Variants in NRXN3 observed in about 807,000 individuals in gnomAD.
NRXN3 encodes the protein neurexin III.
In NRXN3, 32 loss-of-function variants were observed where a neutral mutation model predicts 137.6. That is an observed-to-expected ratio of 0.23 (90% CI 0.18 to 0.31). The LOEUF (loss-of-function observed/expected upper bound fraction) is 0.31. Among genes scored for constraint, NRXN3 ranks in the 10% least tolerant of loss-of-function variants. NRXN3 has a pLI of 1.00. For missense variants in NRXN3, 1,574 were observed against 2,062.5 expected (o/e 0.76, Z 4.59); for synonymous variants, 798 against 784.5 (o/e 1.02, Z -0.29).
intron 4 of NRXN3, chr14:78,602,426 T>G (rs147434802): frequency 6.6e-6 from 1 of 152,280 alleles, no homozygotes; most frequent in Non-Finnish European, 1.5e-5. Context: ...CTAGGGCACC[T>G]GACGTCCTTC....
At chr14:78,660,527 T>A (rs751859826) in intron 6 of NRXN3, among the ~76,000 whole-genome samples, 109 of 152,060 alleles carry the variant, frequency 7.2e-4, no homozygotes, top group Middle Eastern at 3.2e-3. Flanking sequence ...TTTGTCTATA[T>A]GTTGTAGGGA....
At chr14:79,046,209 C>G (rs2099632930) in intron 15 of NRXN3, among the ~76,000 whole-genome samples, 3 of 152,188 alleles carry the variant, frequency 2.0e-5, no homozygotes, top group Admixed American at 2.0e-4. Context: ...CCCCTCCTCT[C>G]CTTTCCTTTC....
At chr14:79,750,593 C>G (rs1340111552) in intron 19 of NRXN3, among the ~76,000 whole-genome samples, 1 of 152,078 alleles carries the variant, frequency 6.6e-6, no homozygotes, top group Non-Finnish European at 1.5e-5. Flanking sequence ...CAACATGAGA[C>G]CTGAAAGTAG....
chr14:78,523,118 C>A (rs1479195103), intron 4 of NRXN3, among the ~76,000 whole-genome samples: 1 of 152,210 alleles, frequency 6.6e-6, no homozygotes, highest in Non-Finnish European at 1.5e-5. Flanking sequence ...AGACACAAGT[C>A]TGATCTAAAC....
At chr14:79,357,746 A>G (rs540995287) in intron 15 of NRXN3, among the ~76,000 whole-genome samples, 22 of 152,356 alleles carry the variant, frequency 1.4e-4, no homozygotes, top group Admixed American at 5.2e-4. Flanking sequence ...AGAAGGATTC[A>G]GAAAAGAAGA....
intron 15 of NRXN3, among the ~76,000 whole-genome samples, chr14:79,409,750 A>G (rs1318571102): frequency 6.6e-6 from 1 of 151,044 alleles, no homozygotes; most frequent in East Asian, 2.0e-4. Flanking sequence ...CCAATTCTCC[A>G]TACCTTCTCC....
chr14:78,319,964 A>G (rs1177797911), intron 4 of NRXN3, among the ~76,000 whole-genome samples: 2 of 152,206 alleles, frequency 1.3e-5, no homozygotes, highest in South Asian at 2.1e-4. Context: ...GGAAGAAAAA[A>G]GCTTGGGACT....
chr14:78,598,199 G>A (rs1297596710), intron 4 of NRXN3, among the ~76,000 whole-genome samples: 3 of 152,166 alleles, frequency 2.0e-5, no homozygotes, highest in African/African-American at 7.2e-5. Context: ...AGAGCCAGAG[G>A]CGTGGATGTG....
chr14:79,053,414 C>T (rs1171763143), intron 15 of NRXN3, among the ~76,000 whole-genome samples: 2 of 152,154 alleles, frequency 1.3e-5, no homozygotes, highest in African/African-American at 4.8e-5. Context: ...CCAGGGCTCC[C>T]TGGCTCCAAA....
intron 10 of NRXN3, among the ~76,000 whole-genome samples, chr14:78,865,037 G>A (rs2099083029): frequency 6.6e-6 from 1 of 152,142 alleles, no homozygotes; most frequent in Non-Finnish European, 1.5e-5. Flanking sequence ...CCAAGTTGCT[G>A]TATTTTGGGG....
At chr14:78,496,770 C>T (rs961190571) in intron 4 of NRXN3, among the ~76,000 whole-genome samples, 2 of 151,718 alleles carry the variant, frequency 1.3e-5, no homozygotes, top group Non-Finnish European at 2.9e-5. Context: ...TTGGTTATGT[C>T]GTTATTTGGG....
chr14:79,059,840 A>T (rs1374491718), intron 15 of NRXN3, among the ~76,000 whole-genome samples: 3 of 152,214 alleles, frequency 2.0e-5, no homozygotes, highest in African/African-American at 7.2e-5. Context: ...GAACAGAGGG[A>T]GAGATTCAAC....
rs1224140645 is a variant in NRXN3 at position 79,254,818 on chromosome 14, C to CTTCCTTCTTTCCTTCT, written c.3263-212387_3263-212372dup. Among the ~76,000 whole-genome samples the CTTCCTTCTTTCCTTCT allele has an allele frequency of 4.0e-5, 6 of 151,036 alleles. No homozygotes were observed. The South Asian group carries it at 8.7e-4, about 22-fold the overall frequency. On this transcript the variant is annotated intron_variant, in intron 15 of 20. Transcript: ENST00000335750. ...CCTGCCTGCCTCCCTCCCTCCCTCC[C>CTTCCTTCTTTCCTTCT]TTCCTTCTTTCCTTCTTTCCTTCTT... is the stretch of plus-strand genomic sequence containing the variant.
At chr14:79,776,382 A>T (rs78162743) in intron 19 of NRXN3, among the ~76,000 whole-genome samples, 7 of 152,302 alleles carry the variant, frequency 4.6e-5, no homozygotes, top group African/African-American at 1.7e-4. Context: ...ATGGACCAAT[A>T]TGGCTTGTGA....
intron 15 of NRXN3, chr14:79,280,612 C>G (rs1566653696): frequency 7.3e-7 from 1 of 1,362,890 alleles, no homozygotes; most frequent in Non-Finnish European, 1.0e-6. Context: ...CAGGTAGTGT[C>G]AAAGGTGGGA....
At position 79,512,138 on chromosome 14, in the gene NRXN3, A is replaced by T. The variant is rs1441975047; in HGVS notation, c.3444+44736A>T. Among the ~76,000 whole-genome samples, 3 of 152,188 alleles carry T rather than the reference A, an allele frequency of 2.0e-5. No homozygotes were observed. In the East Asian group the frequency reaches 5.8e-4, roughly 29 times the overall value. Reference sequence around the variant, plus strand: ...GATCTTGAACTCCTGACCTCAGGTGATCTGCCTGACTCGGCCTCCCAAAGG... The same window carrying T: ...GATCTTGAACTCCTGACCTCAGGTGTTCTGCCTGACTCGGCCTCCCAAAGG... On this transcript the variant is annotated intron_variant, in intron 16 of 20. Coordinates refer to ENST00000335750, the MANE Select transcript of NRXN3 (RefSeq NM_001330195.2).
At chr14:79,544,456 TAGAG>T (rs1342752034) in intron 16 of NRXN3, among the ~76,000 whole-genome samples, 1 of 152,108 alleles carries the variant, frequency 6.6e-6, no homozygotes, top group Middle Eastern at 3.2e-3. Flanking sequence ...TGTGCAGTAG[TAGAG>T]AGAATAGAAA....
chr14:78,792,060 G>A (rs2098806685), intron 8 of NRXN3, among the ~76,000 whole-genome samples: 1 of 150,796 alleles, frequency 6.6e-6, no homozygotes, highest in South Asian at 2.1e-4. Context: ...GTTAAAAAAA[G>A]GAAAAAAAGC....
At chr14:78,606,400 C>G (rs1042213714) in intron 4 of NRXN3, among the ~76,000 whole-genome samples, 1 of 152,148 alleles carries the variant, frequency 6.6e-6, no homozygotes, top group Non-Finnish European at 1.5e-5. Context: ...GTCTTTCCCC[C>G]TAACCAACTC....
Sources: allele counts gnomAD v4.1 joint callset (sites outside exome capture counted in the v4.1 genomes callset), GRCh38; gene constraint gnomAD v4.1.1; transcripts MANE v1.5; gene names NCBI Gene and HGNC (gene_info 2026-07-23, HGNC 2026-07-21).